The following GPC6 variants were observed in gnomAD, a reference collection of about 807,000 sequenced individuals.
GPC6 encodes the protein glypican-6.
GPC6 carries 14 observed loss-of-function variants against 55.2 expected under a neutral mutation model. The ratio of observed to expected loss-of-function variants is 0.25; its 90% CI spans 0.17 to 0.40. The LOEUF (loss-of-function observed/expected upper bound fraction) is 0.40. GPC6 is among the 10% of genes least tolerant of loss of function. GPC6 has a pLI of 1.00. For synonymous variants in GPC6, 278 were observed against 259.6 expected (o/e 1.07, Z -0.68); for missense variants, 641 against 708.5 (o/e 0.90, Z 1.08).
intron 3 of GPC6, among the ~76,000 whole-genome samples, chr13:93,918,734 C>A (rs2140342762): frequency 6.6e-6 from 1 of 152,292 alleles, no homozygotes; most frequent in African/African-American, 2.4e-5. Flanking sequence ...TCTGGAGAAT[C>A]TGGACACCAT....
chr13:93,593,352 T>C (rs552992781), intron 2 of GPC6, among the ~76,000 whole-genome samples: 7 of 152,274 alleles, frequency 4.6e-5, no homozygotes, highest in African/African-American at 7.2e-5. Context: ...TGGATAGATA[T>C]ATGAATGAAT....
chr13:94,085,141 G>T (rs555386463), intron 4 of GPC6, among the ~76,000 whole-genome samples: 1 of 151,884 alleles, frequency 6.6e-6, no homozygotes, highest in African/African-American at 2.4e-5. Context: ...GGCCAACGTG[G>T]TGAAACCCTG....
At chr13:93,704,125 C>G (rs956068303) in intron 2 of GPC6, among the ~76,000 whole-genome samples, 3 of 151,912 alleles carry the variant, frequency 2.0e-5, no homozygotes, top group African/African-American at 7.2e-5. Flanking sequence ...TTTCATATTA[C>G]AAATTATCCC....
chr13:93,566,615 T>C (rs1876136774), intron 2 of GPC6, among the ~76,000 whole-genome samples: 1 of 151,888 alleles, frequency 6.6e-6, no homozygotes, highest in Admixed American at 6.6e-5. Flanking sequence ...GTGCAGAACA[T>C]GCAGGTTTGT....
intron 3 of GPC6, among the ~76,000 whole-genome samples, chr13:93,878,507 T>C (rs1874742992): frequency 6.6e-6 from 1 of 152,018 alleles, no homozygotes; most frequent in African/African-American, 2.4e-5. Flanking sequence ...GCCTCCCGAG[T>C]AACTGGGATT....
chr13:93,301,209 G>C (rs962342256), intron 1 of GPC6, among the ~76,000 whole-genome samples: 4 of 152,130 alleles, frequency 2.6e-5, no homozygotes, highest in African/African-American at 9.7e-5. Context: ...CAAAACTCAG[G>C]ATCCTCCACT....
chr13:94,163,322 C>G (rs1240036500), intron 4 of GPC6, among the ~76,000 whole-genome samples: 1 of 151,752 alleles, frequency 6.6e-6, no homozygotes, highest in Non-Finnish European at 1.5e-5. Context: ...ATCTCCATCC[C>G]CCTACTTCCT....
At chr13:93,240,305 G>T (rs545573921) in intron 1 of GPC6, among the ~76,000 whole-genome samples, 1 of 152,068 alleles carries the variant, frequency 6.6e-6, no homozygotes, top group Non-Finnish European at 1.5e-5. Context: ...GGAAGCTCTG[G>T]TGTTAGGTGT....
At chr13:93,579,890 A>G (rs1022305176) in intron 2 of GPC6, among the ~76,000 whole-genome samples, 23 of 152,124 alleles carry the variant, frequency 1.5e-4, no homozygotes, top group African/African-American at 5.6e-4. Flanking sequence ...GTTTTCCATT[A>G]TCCATAGACC....
chr13:93,557,056 T>C (rs979106355), intron 2 of GPC6, among the ~76,000 whole-genome samples: 31 of 152,196 alleles, frequency 2.0e-4, no homozygotes, highest in African/African-American at 7.5e-4. Flanking sequence ...GCCTGATCTC[T>C]AAGGAATCTG....
intron 2 of GPC6, among the ~76,000 whole-genome samples, chr13:93,641,029 G>T (rs1024129123): frequency 7.2e-5 from 11 of 151,948 alleles, no homozygotes; most frequent in African/African-American, 2.7e-4. Flanking sequence ...TTAAGGAAAA[G>T]ATTTGCTAGA....
chr13:93,498,406 G>A (rs1880390344), intron 1 of GPC6, among the ~76,000 whole-genome samples: 1 of 152,112 alleles, frequency 6.6e-6, no homozygotes, highest in Admixed American at 6.5e-5. Flanking sequence ...ACCTGAGGAT[G>A]GCATTTAAAA....
chr13:93,467,839 C>T (rs1878969964), intron 1 of GPC6, among the ~76,000 whole-genome samples: 1 of 151,948 alleles, frequency 6.6e-6, no homozygotes, highest in African/African-American at 2.4e-5. Context: ...GATTTTCCCG[C>T]CAAGGCCTCC....
In GPC6 at chr13:94,326,209, A is replaced by G. The variant is rs911358854; in HGVS notation, c.1152+20086A>G. On this transcript the variant is annotated intron_variant, in intron 6 of 8. Coordinates refer to ENST00000377047, the MANE Select transcript of GPC6 (RefSeq NM_005708.5). ...AGGTATTTTTGGTATGCTTGTGCAC[A>G]CACACACACACACACACACACACAC... 6.7e-5 allele frequency among the ~76,000 whole-genome samples: 8 copies of G among 119,244 alleles called. No individual in the cohort carries two copies. In the South Asian group the frequency reaches 1.9e-3, roughly 28 times the overall value. 78.2% of individuals were successfully genotyped at this position (119,244 alleles called of 152,430 possible). A position where few individuals can be genotyped will look rare whatever the true frequency, so the allele number is the denominator to read the frequency against.
At chr13:93,499,498 TGG>T (rs1880443809) in intron 1 of GPC6, among the ~76,000 whole-genome samples, 1 of 152,218 alleles carries the variant, frequency 6.6e-6, no homozygotes, top group African/African-American at 2.4e-5. Context: ...AAGCGTGTCC[TGG>T]AACGGGACTG....
intron 4 of GPC6, among the ~76,000 whole-genome samples, chr13:94,165,237 T>TATATGTATAC: frequency 6.7e-6 from 1 of 148,192 alleles, no homozygotes; most frequent in Non-Finnish European, 1.5e-5. Context: ...ACTATTCATA[T>TATATGTATAC]ATATATGTAT....
intron 1 of GPC6, among the ~76,000 whole-genome samples, chr13:93,417,994 C>T (rs934797856): frequency 1.3e-5 from 2 of 151,980 alleles, no homozygotes; most frequent in South Asian, 2.1e-4. Context: ...TTATAAGAAT[C>T]GATACTTTAC....
intron 4 of GPC6, among the ~76,000 whole-genome samples, chr13:94,282,567 G>C (rs192406093): frequency 4.3e-4 from 66 of 152,310 alleles, no homozygotes; most frequent in Non-Finnish European, 7.8e-4. Flanking sequence ...TTCAGGCAAG[G>C]CTCAACTAGT....
intron 4 of GPC6, among the ~76,000 whole-genome samples, chr13:94,063,779 T>C (rs774795295): frequency 8.5e-5 from 13 of 152,210 alleles, no homozygotes; most frequent in Non-Finnish European, 1.3e-4. Flanking sequence ...AGTTGTTAGC[T>C]AGACTAATAC....
Sources: gnomAD v4.1 joint callset for allele counts (sites outside exome capture counted in the v4.1 genomes callset) on GRCh38, gnomAD v4.1.1 for gene constraint, MANE v1.5 for transcripts, NCBI Gene and HGNC (gene_info 2026-07-23, HGNC 2026-07-21) for gene names.